Variants in CSRNP3 observed in about 807,000 individuals in gnomAD.
CSRNP3 encodes the protein cysteine/serine-rich nuclear protein 3.
In CSRNP3, 12 loss-of-function variants were observed where a neutral mutation model predicts 48.0. The observed-to-expected ratio is 0.25, with a 90% CI of 0.16 to 0.41. The LOEUF (loss-of-function observed/expected upper bound fraction) is 0.41. Among genes scored for constraint, CSRNP3 ranks in the 10% least tolerant of loss-of-function variants. The probability of loss-of-function intolerance (pLI) is 1.00; values close to 1 mark genes in which losing one functional copy is unlikely to be tolerated. For synonymous variants in CSRNP3, 263 were observed against 269.7 expected (o/e 0.98, Z 0.24); for missense variants, 580 against 724.4 (o/e 0.80, Z 2.29).
chr2:165,482,178 A>G (rs753362967), intron 1 of CSRNP3, among the ~76,000 whole-genome samples: 22 of 152,152 alleles, frequency 1.4e-4, no homozygotes, highest in Non-Finnish European at 2.6e-4. Flanking sequence ...CTTGCTCAAG[A>G]GATCCTATTC....
chr2:165,579,096 A>C (rs1329041516), intron 3 of CSRNP3, among the ~76,000 whole-genome samples: 1 of 152,178 alleles, frequency 6.6e-6, no homozygotes. Context: ...CCTGGTGCTG[A>C]TGAGGCAAGT....
chr2:165,571,607 CAT>C (rs1685374864), intron 3 of CSRNP3, among the ~76,000 whole-genome samples: 1 of 151,904 alleles, frequency 6.6e-6, no homozygotes, highest in Admixed American at 6.6e-5. Flanking sequence ...TAAGGTAAAT[CAT>C]ATGTTTTATT....
intron 4 of CSRNP3, among the ~76,000 whole-genome samples, chr2:165,643,186 T>G (rs1686753500): frequency 6.6e-6 from 1 of 152,132 alleles, no homozygotes; most frequent in African/African-American, 2.4e-5. Flanking sequence ...AATGAAAAAA[T>G]AAACCAAAAC....
At chr2:165,588,622 C>T (rs1379472901) in intron 3 of CSRNP3, among the ~76,000 whole-genome samples, 5 of 152,108 alleles carry the variant, frequency 3.3e-5, no homozygotes, top group African/African-American at 1.2e-4. Flanking sequence ...TAATGCCTGT[C>T]CAACTTTACC....
At chr2:165,504,263 G>T (rs1173248621) in intron 2 of CSRNP3, among the ~76,000 whole-genome samples, 2 of 152,000 alleles carry the variant, frequency 1.3e-5, no homozygotes, top group African/African-American at 4.8e-5. Flanking sequence ...TCTTGCGTCT[G>T]ATCCTTCATT....
chr2:165,500,027 C>T (rs1229226381), intron 2 of CSRNP3, among the ~76,000 whole-genome samples: 2 of 145,398 alleles, frequency 1.4e-5, no homozygotes, highest in African/African-American at 5.1e-5. Flanking sequence ...ACAACTGCAA[C>T]AGACTTAGCA....
intron 3 of CSRNP3, among the ~76,000 whole-genome samples, chr2:165,567,773 A>G (rs976341708): frequency 1.3e-5 from 2 of 152,052 alleles, no homozygotes; most frequent in Non-Finnish European, 2.9e-5. Context: ...AATCAGACAC[A>G]AGAAAAAAAT....
At chr2:165,580,193 C>T (rs1279706881) in intron 3 of CSRNP3, among the ~76,000 whole-genome samples, 1 of 152,098 alleles carries the variant, frequency 6.6e-6, no homozygotes, top group Non-Finnish European at 1.5e-5. Flanking sequence ...TTTTGTGAAA[C>T]TTGTTTAAAG....
Position 165,612,818 on chromosome 2 carries a change from A to G in CSRNP3, c.148+17605A>G, listed in dbSNP as rs565904707. 3.3e-5 allele frequency among the ~76,000 whole-genome samples: 5 copies of G among 152,102 alleles called. No homozygotes were observed. The South Asian group carries it at 8.3e-4, about 25-fold the overall frequency. ...TATATATACCACATTTTCTTTATCC[A>G]TTCATCTGTTGATGGACAATTAGGT... On this transcript the variant is annotated intron_variant, in intron 4 of 6. Transcript: ENST00000651982.
chr2:165,524,259 C>CTA (rs1684703362), intron 3 of CSRNP3, among the ~76,000 whole-genome samples: 1 of 151,964 alleles, frequency 6.6e-6, no homozygotes, highest in African/African-American at 2.4e-5. Context: ...GTAGATGGTA[C>CTA]TAAAACAATT....
chr2:165,639,966 C>A (rs188561072), intron 4 of CSRNP3, among the ~76,000 whole-genome samples: 29 of 152,128 alleles, frequency 1.9e-4, no homozygotes, highest in Admixed American at 1.4e-3. Context: ...AAATATCAGA[C>A]CCCAAAAAAG....
chr2:165,526,083 C>T (rs1171557244), intron 3 of CSRNP3, among the ~76,000 whole-genome samples: 3 of 152,002 alleles, frequency 2.0e-5, no homozygotes, highest in Admixed American at 6.6e-5. Flanking sequence ...CTATTGTGTC[C>T]GACTGACGTA....
rs1448910439 is a variant in CSRNP3, at chr2:165,657,853, T to C, written c.241T>C (p.Phe81Leu). The change falls in exon 5 of 7, where the codon TTC becomes CTC. Residue 81 changes from phenylalanine (F) to leucine (L), a missense_variant. Phe to Leu is a conservative substitution (Grantham distance 22). This residue lies in a region of CSRNP3 where 83 missense variants were observed against 139.6 expected (regional missense o/e 0.59). Coordinates refer to ENST00000651982, the MANE Select transcript of CSRNP3 (RefSeq NM_001172173.2). ...TVYYFTRRQG[F>L]TSVPSQGGST... ...GTACTACTTCACCAGGAGGCAAGGC[T>C]TCACAAGTGTGCCCAGTCAAGGGGG... The C allele has an allele frequency of 1.2e-6, 2 of 1,614,010 alleles. No homozygotes were observed. The highest frequency in any genetic ancestry group is 1.7e-6 in the Non-Finnish European group (2 of 1,180,026).
intron 3 of CSRNP3, among the ~76,000 whole-genome samples, chr2:165,551,507 CAT>C (rs1685095390): frequency 1.3e-5 from 2 of 152,266 alleles, no homozygotes; most frequent in African/African-American, 2.4e-5. Context: ...AAAACTCTCA[CAT>C]GTGTCTTATG....
intron 5 of CSRNP3, among the ~76,000 whole-genome samples, chr2:165,666,836 A>AG: frequency 7.1e-6 from 1 of 140,718 alleles, no homozygotes; most frequent in Non-Finnish European, 1.5e-5. Flanking sequence ...GGAAGGACGG[A>AG]AGGAAGGAAG....
chr2:165,579,132 A>G (rs954227462), intron 3 of CSRNP3, among the ~76,000 whole-genome samples: 1 of 152,192 alleles, frequency 6.6e-6, no homozygotes, highest in Non-Finnish European at 1.5e-5. Flanking sequence ...AGTTACAGAA[A>G]ATCCTCATGG....
At position 165,555,669 on chromosome 2, in the gene CSRNP3, A is replaced by G. The variant is rs73029831; in HGVS notation, c.-24+37708A>G. On this transcript the variant is annotated intron_variant, in intron 3 of 6. Transcript: ENST00000651982. The stretch of plus-strand genomic sequence containing the variant: ...ACATAGGTGAGAAGGACCACTATCA[A>G]TACAATTGGGCAAATAAAATGGAAA... 6.4e-3 allele frequency among the ~76,000 whole-genome samples: 975 copies of G among 152,318 alleles called. 8 individuals are homozygous for G. Among genetic ancestry groups the G allele is most frequent in the African/African-American group, 0.022 (929 of 41,578 alleles).
At chr2:165,601,902 G>T (rs1685921780) in intron 4 of CSRNP3, among the ~76,000 whole-genome samples, 1 of 152,160 alleles carries the variant, frequency 6.6e-6, no homozygotes, top group African/African-American at 2.4e-5. Flanking sequence ...CAGTTAAAAT[G>T]CATTGAAGAT....
chr2:165,605,475 A>G (rs1007668185), intron 4 of CSRNP3, among the ~76,000 whole-genome samples: 1 of 152,156 alleles, frequency 6.6e-6, no homozygotes, highest in Admixed American at 6.5e-5. Flanking sequence ...CAGAAAAAAA[A>G]TGATAGATAT....
Sources: allele counts gnomAD v4.1 joint callset (sites outside exome capture counted in the v4.1 genomes callset), GRCh38; gene constraint gnomAD v4.1.1; regional missense constraint gnomAD v4.1.1; transcripts MANE v1.5; gene names NCBI Gene and HGNC (gene_info 2026-07-23, HGNC 2026-07-21).